Variants in DCUN1D2 observed in about 807,000 individuals in gnomAD.
DCUN1D2 encodes defective in cullin neddylation 1 domain containing 2, also known as DCN1-like protein 2.
A neutral mutation model predicts 30.9 loss-of-function variants in DCUN1D2; 29 were observed. That is an observed-to-expected ratio of 0.94 (90% CI 0.70 to 1.28). The LOEUF is 1.28. Ranked by LOEUF, DCUN1D2 falls within the 50% of genes most tolerant of loss-of-function variation. DCUN1D2 has a pLI of 0.00. For synonymous variants in DCUN1D2, 121 were observed against 115.3 expected (o/e 1.05, Z -0.32); for missense variants, 325 against 316.9 (o/e 1.03, Z -0.19).
rs2044221008 is a variant in DCUN1D2 at position 113,456,070 on chromosome 13, A to C, written c.*1959T>G. The C allele has an allele frequency of 5.0e-6, 2 of 397,482 alleles. No individual in the cohort carries two copies. Among genetic ancestry groups the C allele is most frequent in the African/African-American group, 4.1e-5 (2 of 48,620 alleles). The allele number at this position is 397,482 out of a possible 1,614,324, so 24.6% of individuals were successfully genotyped here. A position where few individuals can be genotyped will look rare whatever the true frequency, so the allele number is the denominator to read the frequency against. ...CTGAACAAAACAATTACATGTCAAGAATCCATGAAGCCTGGAAGATACGCT... is the reference window on the plus strand; with the variant it reads ...CTGAACAAAACAATTACATGTCAAGCATCCATGAAGCCTGGAAGATACGCT... On this transcript the variant is annotated 3_prime_UTR_variant, in exon 7 of 7. Transcript: ENST00000478244.
chr13:113,485,476 T>C (rs2044785898), intron 1 of DCUN1D2, among the ~76,000 whole-genome samples: 1 of 152,072 alleles, frequency 6.6e-6, no homozygotes, highest in African/African-American at 2.4e-5. Context: ...GTTAGGAAAA[T>C]CCGTTTTCAT....
rs2044242276 is a variant in DCUN1D2 at position 113,457,346 on chromosome 13, G to A, written c.*683C>T. 6.6e-6 allele frequency: 1 copy of A among 152,206 alleles called. No homozygotes were observed. The highest frequency in any genetic ancestry group is 1.5e-5 in the Non-Finnish European group (1 of 68,040). 9.4% of individuals were successfully genotyped at this position (152,206 alleles called of 1,614,324 possible). ...AGAGGCCCAGTGATATATAAACGGT[G>A]TGAGATAAACTCTGCTGGAATCGTG... is the stretch of plus-strand genomic sequence containing the variant. On this transcript the variant is annotated 3_prime_UTR_variant, in exon 7 of 7. Transcript: ENST00000478244.
intron 4 of DCUN1D2, among the ~76,000 whole-genome samples, chr13:113,469,372 AC>A (rs2139697139): frequency 6.6e-6 from 1 of 152,296 alleles, no homozygotes; most frequent in African/African-American, 2.4e-5. Context: ...AAACACACCA[AC>A]AGAACAGATC....
At chr13:113,476,974 C>A (rs2265156) in intron 3 of DCUN1D2, among the ~76,000 whole-genome samples, 2 of 152,080 alleles carry the variant, frequency 1.3e-5, no homozygotes, top group East Asian at 1.9e-4. Context: ...TCTTTCTGAG[C>A]GCTCCATTCT....
At chr13:113,471,723 T>C (rs982258421) in intron 4 of DCUN1D2, among the ~76,000 whole-genome samples, 5 of 152,130 alleles carry the variant, frequency 3.3e-5, no homozygotes, top group African/African-American at 1.2e-4. Flanking sequence ...ACAATAACGA[T>C]CTACGCCAGA....
In DCUN1D2 at chr13:113,483,851, C is replaced by G; in HGVS notation, c.209G>C (p.Gly70Ala). 6.2e-7 allele frequency: 1 copy of G among 1,612,362 alleles called. No homozygotes were observed. The highest frequency in any genetic ancestry group is 8.5e-7 in the Non-Finnish European group (1 of 1,180,022). Residue 70 changes from glycine to alanine, a missense_variant, in exon 2 of 7, where the codon GGC (glycine) becomes GCC (alanine). Gly to Ala is a moderately conservative substitution (Grantham distance 60, BLOSUM62 0). Transcript: ENST00000478244. ...VDKKKLERLY[G>A]RYKDPQDENK... ...CAGTCTCCTCTTACCTTTGTACCTGCCGTACAGCCGCTCCAGCTTCTTCTT... is the reference window on the plus strand; with the variant it reads ...CAGTCTCCTCTTACCTTTGTACCTGGCGTACAGCCGCTCCAGCTTCTTCTT...
Position 113,456,529 on chromosome 13 carries a change from C to T in DCUN1D2, c.*1500G>A, listed in dbSNP as rs920113381. 5.0e-6 allele frequency: 2 copies of T among 397,304 alleles called. No individual in the cohort carries two copies. Among genetic ancestry groups the T allele is most frequent in the African/African-American group, 4.1e-5 (2 of 48,606 alleles). 24.6% of individuals were successfully genotyped at this position (397,304 alleles called of 1,614,324 possible). On this transcript the variant is annotated 3_prime_UTR_variant, in exon 7 of 7. Coordinates refer to ENST00000478244, the MANE Select transcript of DCUN1D2 (RefSeq NM_001014283.2). Reference sequence around the variant, plus strand: ...GTGCTGGGCAGCAGCTCCAGCTGGTCCACGTCCTGCACAGTGCTGCAGGGG... The same window carrying T: ...GTGCTGGGCAGCAGCTCCAGCTGGTTCACGTCCTGCACAGTGCTGCAGGGG...
upstream of DCUN1D2, chr13:113,490,717 CGCG>C (rs1566513891): frequency 1.3e-5 from 16 of 1,190,504 alleles, no homozygotes; most frequent in South Asian, 1.8e-4. This position sits in a 1 kb window ranked among gnomAD's most constrained non-coding sequence, Gnocchi z 5.2. Context: ...TCTGCGCAGG[CGCG>C]GCGGCGGCTC....
chr13:113,474,305 G>A (rs1318677964), intron 3 of DCUN1D2, 51 bp from the exon 4 acceptor site: 19 of 1,602,322 alleles, frequency 1.2e-5, no homozygotes, highest in African/African-American at 2.7e-5. Context: ...CTCCCTAGTC[G>A]ACTCCCCTTG....
chr13:113,471,298 A>C (rs369124096), intron 4 of DCUN1D2, among the ~76,000 whole-genome samples: 102 of 85,710 alleles, frequency 1.2e-3, no homozygotes, highest in African/African-American at 2.7e-3. Context: ...CACAGAAGAC[A>C]CAACTCCACA....
chr13:113,465,947 G>A lies in DCUN1D2; in HGVS notation c.521-4811C>T, dbSNP rs147999227. 1.4e-3 allele frequency among the ~76,000 whole-genome samples: 219 copies of A among 152,256 alleles called. 1 individual carries two copies. The highest frequency in any genetic ancestry group is 5.1e-3 in the African/African-American group (211 of 41,524). ...GTCACCCAGGTTGGAGGGCAGTGATGTGATATCAGCTGACTGCAACCTCCG... is the reference window on the plus strand; with the variant it reads ...GTCACCCAGGTTGGAGGGCAGTGATATGATATCAGCTGACTGCAACCTCCG... On this transcript the variant is annotated intron_variant, in intron 4 of 6. Coordinates refer to ENST00000478244, the MANE Select transcript of DCUN1D2 (RefSeq NM_001014283.2).
At chr13:113,486,973 C>T (rs1457246455) in intron 1 of DCUN1D2, among the ~76,000 whole-genome samples, 2 of 152,316 alleles carry the variant, frequency 1.3e-5, no homozygotes, top group East Asian at 1.9e-4. Context: ...TGTAGTTTGC[C>T]GACCCCGATC....
In DCUN1D2 at chr13:113,488,599, T is replaced by A. The variant is rs1359982934; in HGVS notation, c.3+2068A>T. Among the ~76,000 whole-genome samples, 2 of 152,116 alleles carry A rather than the reference T, an allele frequency of 1.3e-5. No individual in the cohort carries two copies. The highest frequency in any genetic ancestry group is 2.9e-5 in the Non-Finnish European group (2 of 68,024). On this transcript the variant is annotated intron_variant, in intron 1 of 6. Transcript: ENST00000478244. This position sits in a 1 kb window ranked among gnomAD's most constrained non-coding sequence, Gnocchi z 4.3. Reference sequence around the variant, plus strand: ...CCCTCTAGACAGGACTAAACCCAGATCAAATTTACAAAGGCCCAGACATTG... The same window carrying A: ...CCCTCTAGACAGGACTAAACCCAGAACAAATTTACAAAGGCCCAGACATTG...
At chr13:113,486,613 T>C (rs1222639502) in intron 1 of DCUN1D2, among the ~76,000 whole-genome samples, 2 of 152,196 alleles carry the variant, frequency 1.3e-5, no homozygotes, top group South Asian at 4.1e-4. Context: ...ACAATGAGTG[T>C]TGAGCATTTG....
At chr13:113,475,546 A>G (rs1332656426) in intron 3 of DCUN1D2, 3 of 152,342 alleles carry the variant, frequency 2.0e-5, no homozygotes, top group East Asian at 3.9e-4. Context: ...TGAGTGACGC[A>G]TGGCTGTACT....
At chr13:113,472,891 C>A (rs1192329102) in intron 4 of DCUN1D2, among the ~76,000 whole-genome samples, 6 of 152,118 alleles carry the variant, frequency 3.9e-5, no homozygotes, top group Admixed American at 3.9e-4. Context: ...AGTGTGGGGC[C>A]GAGACGCGTC....
chr13:113,461,384 CTAAT>C (rs2044315696), intron 4 of DCUN1D2, among the ~76,000 whole-genome samples: 1 of 152,202 alleles, frequency 6.6e-6, no homozygotes, highest in Non-Finnish European at 1.5e-5. Context: ...CAATTCCCCC[CTAAT>C]TAATCAGTTT....
intron 6 of DCUN1D2, among the ~76,000 whole-genome samples, chr13:113,458,810 G>A (rs1035012724): frequency 6.6e-6 from 1 of 152,216 alleles, no homozygotes; most frequent in South Asian, 2.1e-4. Context: ...GAGCCTAGAG[G>A]GGAGGCCTTC....
intron 3 of DCUN1D2, among the ~76,000 whole-genome samples, chr13:113,478,365 T>G (rs1267106922): frequency 2.0e-5 from 3 of 152,126 alleles, no homozygotes; most frequent in Non-Finnish European, 4.4e-5. Context: ...TGGCACCTAT[T>G]ATCTCGTCCC....
Sources: gnomAD v4.1 joint callset for allele counts (sites outside exome capture counted in the v4.1 genomes callset) on GRCh38, gnomAD v4.1.1 for gene constraint, Gnocchi (gnomAD v3.1) non-coding constraint, MANE v1.5 for transcripts, NCBI Gene and HGNC (gene_info 2026-07-23, HGNC 2026-07-21) for gene names.